BAHD1: variants seen among roughly 807,000 people sequenced by gnomAD.
BAHD1 encodes the protein bromo adjacent homology domain-containing 1 protein.
In BAHD1, 20 loss-of-function variants were observed where a neutral mutation model predicts 63.1. That is an observed-to-expected ratio of 0.32 (90% CI 0.22 to 0.46). The LOEUF is 0.46. BAHD1 is among the 20% of genes least tolerant of loss of function. The probability of loss-of-function intolerance (pLI) is 1.00; values close to 1 mark genes in which losing one functional copy is unlikely to be tolerated. For missense variants in BAHD1, 939 were observed against 1,071.8 expected (o/e 0.88, Z 1.73); for synonymous variants, 408 against 426.8 (o/e 0.96, Z 0.54).
chr15:40,438,314 A>G (rs151295463), upstream of BAHD1, among the ~76,000 whole-genome samples: 618 of 152,320 alleles, frequency 4.1e-3, 5 homozygotes, highest in Middle Eastern at 6.8e-3. Context: ...GGAGGCTAGG[A>G]GAGGCCAAAA....
intron 1 of BAHD1, among the ~76,000 whole-genome samples, chr15:40,448,375 A>G (rs1444500226): frequency 6.6e-6 from 1 of 152,208 alleles, no homozygotes; most frequent in Non-Finnish European, 1.5e-5. Context: ...GGTAATGCCA[A>G]TAATTAAAGC....
chr15:40,442,494 A>G (rs1893432260), intron 1 of BAHD1, among the ~76,000 whole-genome samples: 1 of 152,166 alleles, frequency 6.6e-6, no homozygotes, highest in African/African-American at 2.4e-5. Context: ...AGACCCAGTG[A>G]GCCGCTGTAG....
chr15:40,459,865 C>A lies in BAHD1; in HGVS notation c.1401C>A (p.Gly467=). 6.3e-7 allele frequency: 1 copy of A among 1,597,460 alleles called. No homozygotes were observed. Among genetic ancestry groups the A allele is most frequent in the South Asian group, 1.1e-5 (1 of 89,968 alleles). Residue 467 remains glycine (G), a synonymous_variant, in exon 2 of 7, where the codon GGC becomes GGA. Transcript: ENST00000416165. Reference sequence around the variant, plus strand: ...TTACCCACGCTGGCACTACCTGTGGCGGCTGCCCATACAAAATGCCTTTTG... The same window carrying A: ...TTACCCACGCTGGCACTACCTGTGGAGGCTGCCCATACAAAATGCCTTTTG... ...LSVTHAGTTC[G]GCPYKMPFAA...
chr15:40,465,651 A>C (rs1894178395), intron 6 of BAHD1, among the ~76,000 whole-genome samples: 1 of 152,260 alleles, frequency 6.6e-6, no homozygotes, highest in African/African-American at 2.4e-5. Context: ...ACACTGAGGT[A>C]GAATGGTTGG....
At chr15:40,443,255 G>A in intron 1 of BAHD1, 1 of 985,318 alleles carries the variant, frequency 1.0e-6, no homozygotes, top group Non-Finnish European at 1.2e-6. Context: ...GTTTATTCAT[G>A]GCCACCCCCC....
chr15:40,449,572 G>A (rs1893643798), intron 1 of BAHD1, among the ~76,000 whole-genome samples: 2 of 152,062 alleles, frequency 1.3e-5, no homozygotes, highest in Admixed American at 6.5e-5. Context: ...TGCTGAAATG[G>A]GAGGATCACT....
At chr15:40,439,002 T>A (rs879719592), upstream of BAHD1, among the ~76,000 whole-genome samples, 2 of 152,122 alleles carry the variant, frequency 1.3e-5, no homozygotes, top group Admixed American at 1.3e-4. Context: ...AATTTGCCTA[T>A]GGGCCAGACT....
Position 40,459,223 on chromosome 15 carries a change from T to C in BAHD1, c.759T>C (p.Asn253=), listed in dbSNP as rs751819808. 2 of 1,611,448 alleles carry C rather than the reference T, an allele frequency of 1.2e-6. No individual in the cohort carries two copies. The highest frequency in any genetic ancestry group is 2.2e-5 in the East Asian group (1 of 44,862). The change falls in exon 2 of 7, where the codon AAT becomes AAC. Residue 253 remains asparagine, a synonymous_variant. Coordinates refer to ENST00000416165, the MANE Select transcript of BAHD1 (RefSeq NM_014952.5). ...KAPRPKWPKV[N]GKNYPKAWQG... ...CGAGGCCAAAGTGGCCCAAGGTCAA[T>C]GGCAAGAACTATCCCAAGGCTTGGC... is the stretch of plus-strand genomic sequence containing the variant.
At position 40,458,634 on chromosome 15, in the gene BAHD1, T is replaced by C. The variant is rs1443496789; in HGVS notation, c.170T>C (p.Leu57Pro). 1 of 1,613,888 alleles carries C rather than the reference T, an allele frequency of 6.2e-7. No homozygotes were observed. Among genetic ancestry groups the C allele is most frequent in the Admixed American group, 1.7e-5 (1 of 60,020 alleles). Residue 57 changes from leucine to proline, a missense_variant, in exon 2 of 7, where the codon CTT becomes CCT. Physicochemically the swap from Leu to Pro is moderately conservative, Grantham distance 98. Transcript: ENST00000416165. The surrounding 1 kb of genome is among the most constrained non-coding windows in gnomAD (Gnocchi z 4.7). Reference sequence around the variant, plus strand: ...ACAGGGCGCCGCAAGAATTACCCACTTCGTAAGCGCCCATTGGTTCCTGAG... The same window carrying C: ...ACAGGGCGCCGCAAGAATTACCCACCTCGTAAGCGCCCATTGGTTCCTGAG... ...HLTGRRKNYPLRKRPLVPEKP... is the reference protein window; with the variant it reads ...HLTGRRKNYPPRKRPLVPEKP...
At chr15:40,449,702 G>T (rs149650498) in intron 1 of BAHD1, among the ~76,000 whole-genome samples, 1 of 151,832 alleles carries the variant, frequency 6.6e-6, no homozygotes, top group Non-Finnish European at 1.5e-5. Context: ...CCAACTACTC[G>T]GGAGGCTGAG....
At chr15:40,439,338 G>A (rs536357547), upstream of BAHD1, among the ~76,000 whole-genome samples, 6 of 152,362 alleles carry the variant, frequency 3.9e-5, no homozygotes, top group East Asian at 9.6e-4. Flanking sequence ...CAGCTCTGGA[G>A]GCAGATGGGG....
At chr15:40,450,993 C>A (rs969666837) in intron 1 of BAHD1, among the ~76,000 whole-genome samples, 1 of 151,826 alleles carries the variant, frequency 6.6e-6, no homozygotes, top group Non-Finnish European at 1.5e-5. Flanking sequence ...CAAAAATTAG[C>A]TGGGCGTGGT....
upstream of BAHD1, among the ~76,000 whole-genome samples, chr15:40,438,283 G>A (rs1460554091): frequency 6.6e-6 from 1 of 152,206 alleles, no homozygotes; most frequent in African/African-American, 2.4e-5. Context: ...CAGTTGCAGA[G>A]GTCCCTGAAA....
intron 1 of BAHD1, among the ~76,000 whole-genome samples, chr15:40,445,222 T>A (rs1453247057): frequency 3.9e-5 from 5 of 128,004 alleles, no homozygotes; most frequent in African/African-American, 9.1e-5. Flanking sequence ...TCATCCCCGG[T>A]GCAAATTAAA....
Position 40,458,903 on chromosome 15 carries a change from C to G in BAHD1, c.439C>G (p.Arg147Gly). 1 of 1,597,456 alleles carries G rather than the reference C, an allele frequency of 6.3e-7. No individual in the cohort carries two copies. Among genetic ancestry groups the G allele is most frequent in the Non-Finnish European group, 8.5e-7 (1 of 1,170,718 alleles). Residue 147 changes from arginine to glycine, a missense_variant, in exon 2 of 7, where the codon CGA becomes GGA. This residue lies in a region of BAHD1 where 797 missense variants were observed against 813.3 expected (regional missense o/e 0.98). Coordinates refer to ENST00000416165, the MANE Select transcript of BAHD1 (RefSeq NM_014952.5). The surrounding 1 kb of genome is among the most constrained non-coding windows in gnomAD (Gnocchi z 4.7). The stretch of plus-strand genomic sequence containing the variant: ...CAGCCTGGCAGGCACCCGCCGCAGT[C>G]GAGCAGGGGATCCCCACCGCAGCCG... ...TSSLAGTRRSRAGDPHRSRDR... is the reference protein window; with the variant it reads ...TSSLAGTRRSGAGDPHRSRDR...
intron 1 of BAHD1, chr15:40,453,306 TA>T (rs1288267024): frequency 6.6e-6 from 1 of 152,256 alleles, no homozygotes; most frequent in Non-Finnish European, 1.5e-5. Context: ...GCTGTGTCTT[TA>T]CCTGGCTTTA....
At position 40,462,545 on chromosome 15, in the gene BAHD1, C is replaced by T. The variant is rs527876769; in HGVS notation, c.1815+251C>T. On this transcript the variant is annotated intron_variant, in intron 3 of 6. Transcript: ENST00000416165. ...CAGTCATAGCTGGTGGCTGCCATCT[C>T]GGTGAGTGTCTTCCCCTCCCCTCCC... Among the ~76,000 whole-genome samples the T allele has an allele frequency of 6.6e-5, 10 of 152,246 alleles. No homozygotes were observed. The South Asian group carries it at 8.3e-4, about 13-fold the overall frequency.
chr15:40,451,246 C>G (rs529490770), intron 1 of BAHD1, among the ~76,000 whole-genome samples: 114 of 152,156 alleles, frequency 7.5e-4, no homozygotes, highest in African/African-American at 2.6e-3. Context: ...GCTGCCCACT[C>G]CCTACTGGGC....
intron 1 of BAHD1, among the ~76,000 whole-genome samples, chr15:40,451,031 G>A (rs957439827): frequency 1.3e-5 from 2 of 151,018 alleles, no homozygotes; most frequent in Non-Finnish European, 2.9e-5. Flanking sequence ...CCAGCTACTC[G>A]GGATACTCCT....
Sources: gnomAD v4.1 joint callset for allele counts (sites outside exome capture counted in the v4.1 genomes callset) on GRCh38, gnomAD v4.1.1 for gene constraint, gnomAD v4.1.1 regional missense constraint, Gnocchi (gnomAD v3.1) non-coding constraint, MANE v1.5 for transcripts, NCBI Gene and HGNC (gene_info 2026-07-23, HGNC 2026-07-21) for gene names.